KAZN: variants seen among roughly 807,000 people sequenced by gnomAD.
The protein encoded by KAZN is kazrin.
KAZN carries 40 observed loss-of-function variants against 87.4 expected under a neutral mutation model. The ratio of observed to expected loss-of-function variants is 0.46; its 90% CI spans 0.36 to 0.60. The LOEUF is 0.60. KAZN is among the 20% of genes least tolerant of loss of function. The pLI, the probability that KAZN is intolerant of heterozygous loss-of-function variation, is 0.00. For missense variants in KAZN, 898 were observed against 1,073.9 expected (o/e 0.84, Z 2.29); for synonymous variants, 466 against 458.3 (o/e 1.02, Z -0.22).
At chr1:15,088,541 G>A (rs1050249608) in intron 8 of KAZN, among the ~76,000 whole-genome samples, 11 of 152,288 alleles carry the variant, frequency 7.2e-5, no homozygotes, top group Middle Eastern at 3.4e-3. Flanking sequence ...CCCGCGACTC[G>A]GCAGCCCCTC....
At chr1:14,493,812 T>C (rs1037446545) in intron 2 of KAZN, among the ~76,000 whole-genome samples, 1 of 152,224 alleles carries the variant, frequency 6.6e-6, no homozygotes, top group African/African-American at 2.4e-5. Flanking sequence ...GAATCAGTCA[T>C]TAATCTGCAA....
At chr1:14,086,089 G>C (rs1334239542) in intron 1 of KAZN, among the ~76,000 whole-genome samples, 2 of 152,070 alleles carry the variant, frequency 1.3e-5, no homozygotes, top group East Asian at 3.8e-4. Flanking sequence ...GCTCATATTT[G>C]TTGGATATTT....
chr1:14,798,014 C>T (rs1238518310), intron 1 of KAZN, among the ~76,000 whole-genome samples: 1 of 152,154 alleles, frequency 6.6e-6, no homozygotes, highest in African/African-American at 2.4e-5. Context: ...CCTATCTCCC[C>T]CACTTTACAG....
chr1:14,571,295 T>G (rs1188074615), intron 2 of KAZN, among the ~76,000 whole-genome samples: 1 of 152,098 alleles, frequency 6.6e-6, no homozygotes, highest in Non-Finnish European at 1.5e-5. Context: ...TTAAACGGCT[T>G]AGTATAATGC....
At chr1:14,760,363 A>G (rs547335328) in intron 1 of KAZN, among the ~76,000 whole-genome samples, 5 of 152,320 alleles carry the variant, frequency 3.3e-5, no homozygotes, top group African/African-American at 1.2e-4. Flanking sequence ...CAGGCGTGGA[A>G]TTAAATGGTT....
At chr1:14,030,337 A>G (rs181566253) in intron 1 of KAZN, among the ~76,000 whole-genome samples, 1,746 of 150,530 alleles carry the variant, frequency 0.012, 33 homozygotes, top group African/African-American at 0.04. Flanking sequence ...AGAACAAAAA[A>G]CCAAACACCG....
chr1:14,995,778 C>G (rs1043371737), intron 2 of KAZN, among the ~76,000 whole-genome samples: 2 of 152,206 alleles, frequency 1.3e-5, no homozygotes, highest in African/African-American at 4.8e-5. Context: ...CTGCCCAGCC[C>G]AGGTGCCTTT....
intron 2 of KAZN, among the ~76,000 whole-genome samples, chr1:14,387,895 G>A (rs1436330354): frequency 7.2e-5 from 11 of 152,214 alleles, no homozygotes; most frequent in African/African-American, 9.6e-5. Flanking sequence ...GGGCAATGGC[G>A]GGCGCCCCTC....
rs116943693 is a variant in KAZN at position 13,913,707 on chromosome 1, T to G, written c.91+19951T>G. Among the ~76,000 whole-genome samples the G allele has an allele frequency of 2.4e-4, 37 of 152,334 alleles. 1 individual carries two copies. The highest frequency in any genetic ancestry group is 2.1e-3 in the East Asian group (11 of 5,188). On this transcript the variant is annotated intron_variant, in intron 1 of 16. Transcript: ENST00000636203. ...ATTCATTTAGGCCAAACAAGAAACC[T>G]TGGAGGGGGTGATCCTTTTTGAAGT... is the stretch of plus-strand genomic sequence containing the variant.
chr1:14,740,580 CCTT>C (rs1410197693), intron 1 of KAZN, among the ~76,000 whole-genome samples: 3 of 152,052 alleles, frequency 2.0e-5, no homozygotes, highest in African/African-American at 7.2e-5. Flanking sequence ...GTATGGTTCT[CCTT>C]CTTTAAATCC....
At chr1:14,824,045 C>T (rs758942408) in intron 1 of KAZN, among the ~76,000 whole-genome samples, 4 of 147,146 alleles carry the variant, frequency 2.7e-5, no homozygotes, top group South Asian at 2.2e-4. Context: ...ACCCAGGAGG[C>T]GGAGGTTGCA....
At chr1:14,740,884 T>C (rs1197355204) in intron 1 of KAZN, among the ~76,000 whole-genome samples, 1 of 152,218 alleles carries the variant, frequency 6.6e-6, no homozygotes, top group African/African-American at 2.4e-5. Context: ...ATTTGGAAAT[T>C]CAGTTTTATC....
chr1:14,821,798 T>C (rs1646744832), intron 1 of KAZN, among the ~76,000 whole-genome samples: 1 of 152,144 alleles, frequency 6.6e-6, no homozygotes, highest in Non-Finnish European at 1.5e-5. Flanking sequence ...GGAAAGCTGG[T>C]ACTACTGTCA....
chr1:14,522,738 G>A (rs372169328), intron 2 of KAZN, among the ~76,000 whole-genome samples: 4 of 152,244 alleles, frequency 2.6e-5, no homozygotes, highest in South Asian at 4.1e-4. Flanking sequence ...ATAACTCATC[G>A]GAGAAAATAT....
chr1:14,979,693 G>A (rs1666037851), intron 2 of KAZN, among the ~76,000 whole-genome samples: 1 of 152,056 alleles, frequency 6.6e-6, no homozygotes, highest in Admixed American at 6.5e-5. Context: ...TGGGGAGGCA[G>A]TAATGATGTG....
At chr1:14,275,849 G>T (rs1161992320) in intron 2 of KAZN, among the ~76,000 whole-genome samples, 4 of 152,172 alleles carry the variant, frequency 2.6e-5, no homozygotes, top group Non-Finnish European at 5.9e-5. Context: ...CATGGAAAAT[G>T]ATATTTGTAA....
intron 1 of KAZN, among the ~76,000 whole-genome samples, chr1:14,087,192 G>A (rs937531095): frequency 2.0e-5 from 3 of 152,172 alleles, no homozygotes; most frequent in East Asian, 1.9e-4. Flanking sequence ...TCGTGTACAG[G>A]TCTTGCACTT....
intron 1 of KAZN, among the ~76,000 whole-genome samples, chr1:13,930,472 T>C (rs1640466413): frequency 6.6e-6 from 1 of 152,202 alleles, no homozygotes; most frequent in Admixed American, 6.5e-5. Flanking sequence ...GGATCCCTGA[T>C]ACAATGGAAT....
intron 2 of KAZN, among the ~76,000 whole-genome samples, chr1:14,457,360 A>G (rs1348875449): frequency 6.6e-6 from 1 of 152,078 alleles, no homozygotes; most frequent in African/African-American, 2.4e-5. Context: ...TTTCTCTACC[A>G]GGGTTGCCTG....
Sources: allele counts gnomAD v4.1 joint callset (sites outside exome capture counted in the v4.1 genomes callset), GRCh38; gene constraint gnomAD v4.1.1; transcripts MANE v1.5; gene names NCBI Gene and HGNC (gene_info 2026-07-23, HGNC 2026-07-21).